Variants in AMY2B observed in about 807,000 individuals in gnomAD.
AMY2B encodes the protein amylase alpha 2B, also known as alpha-amylase 2B.
Under a neutral mutation model 59.3 loss-of-function variants are expected in AMY2B, and 63 were observed. The observed-to-expected ratio is 1.06, with a 90% CI of 0.87 to 1.31. AMY2B has a LOEUF of 1.31. Ranked by LOEUF, AMY2B falls within the 50% of genes most tolerant of loss-of-function variation. The pLI, the probability that AMY2B is intolerant of heterozygous loss-of-function variation, is 0.00. For synonymous variants in AMY2B, 180 were observed against 198.1 expected (o/e 0.91, Z 0.77); for missense variants, 635 against 626.7 (o/e 1.01, Z -0.14).
upstream of AMY2B, chr1:103,569,953 G>A (rs1236889818): frequency 8.6e-6 from 4 of 466,628 alleles, no homozygotes; most frequent in South Asian, 1.8e-5. Flanking sequence ...CCATGTACGT[G>A]GCCATCCAGG....
At chr1:103,574,028 A>G in intron 4 of AMY2B, 90 bp downstream of exon 4, 1 of 1,599,826 alleles carries the variant, frequency 6.3e-7, no homozygotes, top group Non-Finnish European at 8.5e-7. Flanking sequence ...TCTATAGGAT[A>G]AGGACTGAGT....
chr1:103,575,379 A>T (rs751457981), intron 6 of AMY2B, 34 bp downstream of exon 6: 2 of 1,612,866 alleles, frequency 1.2e-6, no homozygotes, highest in Admixed American at 3.3e-5. Context: ...TTTTTAACAC[A>T]TCTTTTAATG....
intron 1 of AMY2B, among the ~76,000 whole-genome samples, chr1:103,560,738 C>T (rs946870264): frequency 3.9e-5 from 6 of 151,932 alleles, no homozygotes; most frequent in Non-Finnish European, 8.8e-5. Context: ...TTTAATCCTC[C>T]AAGACATTAT....
intron 5 of AMY2B, among the ~76,000 whole-genome samples, 172 bp downstream of exon 5, chr1:103,574,565 G>T (rs958469391): frequency 2.0e-5 from 3 of 152,050 alleles, no homozygotes; most frequent in Non-Finnish European, 4.4e-5. Context: ...TGTATTTAGA[G>T]TGTCTATCAC....
At chr1:103,573,356 A>AG in intron 3 of AMY2B, 96 bp downstream of exon 3, 1 of 1,585,640 alleles carries the variant, frequency 6.3e-7, no homozygotes, top group East Asian at 2.2e-5. Context: ...ATACGAATTT[A>AG]GATCTCTTAG....
At chr1:103,558,096 G>A (rs560798964) in intron 1 of AMY2B, among the ~76,000 whole-genome samples, 1 of 152,250 alleles carries the variant, frequency 6.6e-6, no homozygotes, top group East Asian at 1.9e-4. Flanking sequence ...GATCCGCCCT[G>A]CAAATGAAAT....
Position 103,577,838 on chromosome 1 carries a change from G to C in AMY2B, c.1339G>C (p.Asp447His). 6.2e-7 allele frequency: 1 copy of C among 1,602,802 alleles called. No individual in the cohort carries two copies. The highest frequency in any genetic ancestry group is 8.5e-7 in the Non-Finnish European group (1 of 1,179,696). ...CAGAGGATTCATTGTTTTCAACAATGATGACTGGTAAGTACATATCAATTA... is the reference window on the plus strand; with the variant it reads ...CAGAGGATTCATTGTTTTCAACAATCATGACTGGTAAGTACATATCAATTA... ...GNRGFIVFNN[D>H]DWTFSLTLQT... Residue 447 changes from aspartate (D) to histidine (H), a missense_variant, in exon 9 of 10, where the codon GAT becomes CAT. Physicochemically the swap from Asp to His is moderately conservative, Grantham distance 81. Coordinates refer to ENST00000684275, the MANE Select transcript of AMY2B (RefSeq NM_001387437.1).
At chr1:103,575,817 G>A (rs1652332115) in intron 7 of AMY2B, 1 of 358,872 alleles carries the variant, frequency 2.8e-6, no homozygotes, top group Non-Finnish European at 4.9e-6. Context: ...CTAGGCACAG[G>A]GATTAAAATA....
At chr1:103,573,347 T>A in intron 3 of AMY2B, 87 bp downstream of exon 3, 4 of 1,594,808 alleles carry the variant, frequency 2.5e-6, no homozygotes, top group Non-Finnish European at 3.4e-6. Context: ...TCATTTTAAA[T>A]ACGAATTTAG....
chr1:103,574,196 C>T, intron 4 of AMY2B, 64 bp from the exon 5 acceptor site: 2 of 1,607,176 alleles, frequency 1.2e-6, no homozygotes, highest in Non-Finnish European at 1.7e-6. Flanking sequence ...ATAATATTAA[C>T]TTATTGGTTA....
chr1:103,555,880 G>GAGAAAA (rs1404834965), intron 1 of AMY2B, among the ~76,000 whole-genome samples: 1 of 152,132 alleles, frequency 6.6e-6, no homozygotes, highest in Non-Finnish European at 1.5e-5. Context: ...ATTCAGTAGA[G>GAGAAAA]AGAAAAAACA....
chr1:103,572,695 C>G (rs913921567), intron 2 of AMY2B, among the ~76,000 whole-genome samples: 4 of 152,114 alleles, frequency 2.6e-5, no homozygotes, highest in African/African-American at 9.7e-5. Context: ...TATTTGTCTT[C>G]AAAAGCTTAG....
rs1236495379 is a variant in AMY2B at position 103,575,430 on chromosome 1, G to A, written c.1002-11G>A. The stretch of plus-strand genomic sequence containing the variant: ...TGATATTCTGTGATAATATAATTAT[G>A]TAACTTTCAGGCTGTATAAAATGGC... On this transcript the variant is annotated splice_polypyrimidine_tract_variant and intron_variant, in intron 6 of 9. Transcript: ENST00000684275. 4.3e-6 allele frequency: 7 copies of A among 1,613,128 alleles called. No individual in the cohort carries two copies. Among genetic ancestry groups the A allele is most frequent in the Middle Eastern group, 3.3e-4 (2 of 6,076 alleles).
upstream of AMY2B, chr1:103,569,105 A>T (rs1268908906): frequency 6.6e-6 from 1 of 152,064 alleles, no homozygotes; most frequent in Admixed American, 6.6e-5. Flanking sequence ...TCATGAAAAC[A>T]TCTGTATGGG....
At chr1:103,555,933 G>A (rs528042093) in intron 1 of AMY2B, among the ~76,000 whole-genome samples, 2 of 152,226 alleles carry the variant, frequency 1.3e-5, no homozygotes, top group East Asian at 1.9e-4. Flanking sequence ...CATAGACCTG[G>A]TATACAAATA....
chr1:103,576,954 G>T (rs1037756196), intron 7 of AMY2B, among the ~76,000 whole-genome samples: 4 of 152,184 alleles, frequency 2.6e-5, no homozygotes, highest in African/African-American at 9.7e-5. Context: ...AGCCCTTGCA[G>T]GCCAGGTGCT....
chr1:103,556,929 A>G (rs1014109571), intron 1 of AMY2B, among the ~76,000 whole-genome samples: 3 of 152,138 alleles, frequency 2.0e-5, no homozygotes, highest in Admixed American at 1.3e-4. Flanking sequence ...TTAGTAATTC[A>G]TGCTAACAAA....
intron 1 of AMY2B, among the ~76,000 whole-genome samples, chr1:103,561,084 A>C (rs539016683): frequency 6.6e-6 from 1 of 152,314 alleles, no homozygotes; most frequent in Non-Finnish European, 1.5e-5. Context: ...TAGAAATGGC[A>C]CATAGTAACT....
chr1:103,579,003 A>C (rs1652471478), intron 9 of AMY2B, among the ~76,000 whole-genome samples: 1 of 152,294 alleles, frequency 6.6e-6, no homozygotes, highest in African/African-American at 2.4e-5. Flanking sequence ...AGTTGAGAAC[A>C]AATTTGATTT....
Sources: allele counts gnomAD v4.1 joint callset (sites outside exome capture counted in the v4.1 genomes callset), GRCh38; gene constraint gnomAD v4.1.1; transcripts MANE v1.5; gene names NCBI Gene and HGNC (gene_info 2026-07-23, HGNC 2026-07-21).